LGALS1: variants seen among roughly 807,000 people sequenced by gnomAD.
LGALS1 encodes the protein galectin 1.
A neutral mutation model predicts 14.4 loss-of-function variants in LGALS1; 14 were observed. The ratio of observed to expected loss-of-function variants is 0.97; its 90% CI spans 0.64 to 1.52. The LOEUF is 1.52. LGALS1 is among the 40% of genes most tolerant of loss of function. The pLI is 0.00. For missense variants in LGALS1, 170 were observed against 181.4 expected (o/e 0.94, Z 0.36); for synonymous variants, 71 against 73.4 (o/e 0.97, Z 0.17).
In LGALS1 at chr22:37,675,688, C is replaced by A. The variant is rs1569020454; in HGVS notation, c.-15C>A. ...GCTGGTGCGCCTGCCCGGGAACATC[C>A]TCCTGGACTCAATCATGGCTTGTGT... is the stretch of plus-strand genomic sequence containing the variant. On this transcript the variant is annotated 5_prime_UTR_variant, in exon 1 of 4. Transcript: ENST00000215909. 1 of 1,549,370 alleles carries A rather than the reference C, an allele frequency of 6.5e-7. No homozygotes were observed. The highest frequency in any genetic ancestry group is 2.4e-5 in the East Asian group (1 of 40,938).
At chr22:37,676,777 A>G in intron 1 of LGALS1, 1 of 645,274 alleles carries the variant, frequency 1.5e-6, no homozygotes. Flanking sequence ...ACTGAAGCCA[A>G]CCCCGGTGGG....
chr22:37,678,135 T>C (rs12167604), intron 2 of LGALS1, among the ~76,000 whole-genome samples: 73,623 of 152,002 alleles, frequency 0.48, 18,443 homozygotes, highest in African/African-American at 0.62. Context: ...CTAAGCATCT[T>C]TTTCTGGTGT....
chr22:37,677,756 TTTTA>T (rs71324870), intron 2 of LGALS1, among the ~76,000 whole-genome samples: 7,781 of 151,928 alleles, frequency 0.051, 388 homozygotes, highest in East Asian at 0.21. Flanking sequence ...GTATTTATTA[TTTTA>T]TTTATTTATT....
chr22:37,679,048 T>C (rs918005305), intron 3 of LGALS1, among the ~76,000 whole-genome samples: 1 of 151,248 alleles, frequency 6.6e-6, no homozygotes, highest in Non-Finnish European at 1.5e-5. Context: ...GGAGAATTGG[T>C]TGAACCCGGG....
chr22:37,677,141 A>G, intron 2 of LGALS1, 76 bp downstream of exon 2: 1 of 1,395,520 alleles, frequency 7.2e-7, no homozygotes, highest in Non-Finnish European at 1.0e-6. Flanking sequence ...GGCCAAGCCC[A>G]CATCTCCTCC....
chr22:37,679,795 C>T lies in LGALS1; in HGVS notation c.*46C>T, dbSNP rs561516923. The stretch of plus-strand genomic sequence containing the variant: ...CCAATAAAGGCAGCTGCCTCTGCTC[C>T]CTCTGAACCAGCCTCGTGTGTGTGC... On this transcript the variant is annotated 3_prime_UTR_variant, in exon 4 of 4. Transcript: ENST00000215909. 5.9e-6 allele frequency: 9 copies of T among 1,536,588 alleles called. No individual in the cohort carries two copies. The African/African-American group carries it at 1.2e-4, about 21-fold the overall frequency.
At chr22:37,677,495 CA>C (rs1158103756) in intron 2 of LGALS1, 1 of 185,360 alleles carries the variant, frequency 5.4e-6, no homozygotes, top group Admixed American at 5.8e-5. Context: ...CTCATTCACT[CA>C]GACGGCTGCC....
At chr22:37,676,883 C>A in intron 1 of LGALS1, 103 bp from the exon 2 acceptor site, 2 of 1,133,538 alleles carry the variant, frequency 1.8e-6, no homozygotes, top group Non-Finnish European at 1.3e-6. Flanking sequence ...TCAGAGGATG[C>A]CGGGCGGGAA....
In LGALS1 at chr22:37,678,644, G is replaced by A; in HGVS notation, c.251G>A (p.Ser84Asn). The change falls in exon 3 of 4, where the codon AGT (serine) becomes AAT (asparagine). Residue 84 changes from serine to asparagine, a missense_variant. Transcript: ENST00000215909. ...REAVFPFQPG[S>N]VAEVCITFDQ... ...GCTGTCTTTCCCTTCCAGCCTGGAA[G>A]TGTTGCAGAGGTGGGCTGCAGACCG... The A allele has an allele frequency of 7.1e-7, 1 of 1,410,066 alleles. No homozygotes were observed. The allele number at this position is 1,410,066 out of a possible 1,614,324, so 87.3% of individuals were successfully genotyped here. A position where few individuals can be genotyped will look rare whatever the true frequency, so the allele number is the denominator to read the frequency against.
intron 1 of LGALS1, chr22:37,676,234 C>CG (rs1921423394): frequency 1.0e-5 from 1 of 99,768 alleles, no homozygotes; most frequent in African/African-American, 4.0e-5. Flanking sequence ...GCGGGGGGGG[C>CG]GGGGGAAATT....
chr22:37,675,816 C>A, intron 1 of LGALS1, 105 bp downstream of exon 1: 1 of 1,082,154 alleles, frequency 9.2e-7, no homozygotes, highest in Non-Finnish European at 1.3e-6. Flanking sequence ...AGCTGTGTGG[C>A]CTGGAACCAG....
intron 2 of LGALS1, among the ~76,000 whole-genome samples, chr22:37,678,077 G>A (rs1293282633): frequency 6.6e-6 from 1 of 152,102 alleles, no homozygotes; most frequent in East Asian, 1.9e-4. Flanking sequence ...ATGAGCCACC[G>A]TGCCCGGGAG....
Position 37,678,552 on chromosome 22 carries a change from CGGCGACGCCAACACCATCGTGT to C in LGALS1, c.161_182del (p.Gly54AlafsTer37), listed in dbSNP as rs781669552. 2.5e-6 allele frequency: 4 copies of C among 1,613,504 alleles called. No individual in the cohort carries two copies. The highest frequency in any genetic ancestry group is 3.4e-6 in the Non-Finnish European group (4 of 1,180,050). ...ACTTCAACCCTCGCTTCAACGCCCA[CGGCGACGCCAACACCATCGTGT>C]GCAACAGCAAGGACGGCGGGGCCTG... is the stretch of plus-strand genomic sequence containing the variant. On this transcript the variant is annotated frameshift_variant, in exon 3 of 4. Transcript: ENST00000215909. LOFTEE classifies it high-confidence loss of function.
chr22:37,679,794 C>T lies in LGALS1; in HGVS notation c.*45C>T. ...CCCAATAAAGGCAGCTGCCTCTGCTCCCTCTGAACCAGCCTCGTGTGTGTG... is the reference window on the plus strand; with the variant it reads ...CCCAATAAAGGCAGCTGCCTCTGCTTCCTCTGAACCAGCCTCGTGTGTGTG... On this transcript the variant is annotated 3_prime_UTR_variant, in exon 4 of 4. Coordinates refer to ENST00000215909, the MANE Select transcript of LGALS1 (RefSeq NM_002305.4). 1 of 1,536,684 alleles carries T rather than the reference C, an allele frequency of 6.5e-7. No individual in the cohort carries two copies. Among genetic ancestry groups the T allele is most frequent in the Non-Finnish European group, 8.8e-7 (1 of 1,134,484 alleles).
At chr22:37,676,689 G>A (rs1921438657) in intron 1 of LGALS1, among the ~76,000 whole-genome samples, 1 of 152,200 alleles carries the variant, frequency 6.6e-6, no homozygotes, top group African/African-American at 2.4e-5. Flanking sequence ...CATCTCCCAA[G>A]TCACTCTTGA....
chr22:37,677,272 A>C, intron 2 of LGALS1: 1 of 590,302 alleles, frequency 1.7e-6, no homozygotes, highest in Non-Finnish European at 3.0e-6. Context: ...TCCCTGCTGT[A>C]GCCTCTTAAA....
chr22:37,678,367 C>T (rs764436556), intron 2 of LGALS1, 116 bp from the exon 3 acceptor site: 2 of 1,145,544 alleles, frequency 1.7e-6, no homozygotes, highest in Non-Finnish European at 2.6e-6. Flanking sequence ...GGTTTCTTGT[C>T]TCTGTTAGTG....
intron 2 of LGALS1, 68 bp from the exon 3 acceptor site, chr22:37,678,415 G>A (rs1343919123): frequency 6.4e-7 from 1 of 1,554,786 alleles, no homozygotes; most frequent in Non-Finnish European, 8.8e-7. Context: ...GATACTGAGT[G>A]ACAGATTAGT....
chr22:37,675,826 G>C, intron 1 of LGALS1, 115 bp downstream of exon 1: 6 of 960,824 alleles, frequency 6.2e-6, no homozygotes, highest in Non-Finnish European at 8.8e-6. Flanking sequence ...CCTGGAACCA[G>C]TGCCTTCTCT....
Sources: allele counts gnomAD v4.1 joint callset (sites outside exome capture counted in the v4.1 genomes callset), GRCh38; gene constraint gnomAD v4.1.1; transcripts MANE v1.5; gene names NCBI Gene and HGNC (gene_info 2026-07-23, HGNC 2026-07-21).